The following FSTL1 variants were observed in gnomAD, a reference collection of about 807,000 sequenced individuals.
FSTL1 encodes the protein follistatin-related protein 1.
In FSTL1, 24 loss-of-function variants were observed where a neutral mutation model predicts 45.9. The observed-to-expected ratio is 0.52, with a 90% CI of 0.38 to 0.74. The LOEUF (loss-of-function observed/expected upper bound fraction) is 0.74, where lower values mean the gene tolerates loss of function less well. Among genes scored for constraint, FSTL1 ranks in the 30% least tolerant of loss-of-function variants. FSTL1 has a pLI of 0.00. For synonymous variants in FSTL1, 120 were observed against 137.6 expected (o/e 0.87, Z 0.89); for missense variants, 340 against 381.8 (o/e 0.89, Z 0.91).
intron 3 of FSTL1, among the ~76,000 whole-genome samples, chr3:120,412,295 A>T (rs1363210611): frequency 6.6e-6 from 1 of 152,226 alleles, no homozygotes; most frequent in Non-Finnish European, 1.5e-5. Context: ...CTTAATCCAC[A>T]ATGCAAAAGT....
chr3:120,415,511 CCATTATGT>C (rs2107657769), intron 3 of FSTL1, among the ~76,000 whole-genome samples: 1 of 152,110 alleles, frequency 6.6e-6, no homozygotes, highest in African/African-American at 2.4e-5. Flanking sequence ...ATAGGGGGAA[CCATTATGT>C]CTACAGTAGC....
At chr3:120,411,789 A>T in intron 4 of FSTL1, 65 bp downstream of exon 4, 1 of 1,469,418 alleles carries the variant, frequency 6.8e-7, no homozygotes, top group East Asian at 2.3e-5. Context: ...CAGCCAGGCC[A>T]CACTGCTCTG....
chr3:120,450,603 CA>C (rs1937871421), intron 2 of FSTL1, 80 bp downstream of exon 2: 1 of 920,150 alleles, frequency 1.1e-6, no homozygotes, highest in African/African-American at 1.8e-5. Flanking sequence ...AGAGCATCCC[CA>C]GGACGCGCGC....
intron 2 of FSTL1, among the ~76,000 whole-genome samples, chr3:120,436,193 T>A (rs752610696): frequency 1.3e-5 from 2 of 152,214 alleles, no homozygotes; most frequent in Non-Finnish European, 2.9e-5. Flanking sequence ...TCCAATTGTA[T>A]CTGTAAGAGG....
chr3:120,395,016 TG>T lies in FSTL1; in HGVS notation c.*1935del, dbSNP rs987226159. 6.6e-6 allele frequency: 1 copy of T among 152,628 alleles called. No homozygotes were observed. The highest frequency in any genetic ancestry group is 1.5e-5 in the Non-Finnish European group (1 of 68,402). 9.5% of individuals were successfully genotyped at this position (152,628 alleles called of 1,614,324 possible). On this transcript the variant is annotated 3_prime_UTR_variant, in exon 11 of 11. Transcript: ENST00000295633. ...AACCTTTGATTAAGGCGTGCTGCTGTGAGTTCTCCAAGGCACTTGGACAGGG... is the reference window on the plus strand; with the variant it reads ...AACCTTTGATTAAGGCGTGCTGCTGTAGTTCTCCAAGGCACTTGGACAGGG...
intron 3 of FSTL1, among the ~76,000 whole-genome samples, chr3:120,415,516 A>T (rs1275390233): frequency 6.6e-6 from 1 of 152,196 alleles, no homozygotes; most frequent in Non-Finnish European, 1.5e-5. Context: ...GGGAACCATT[A>T]TGTCTACAGT....
intron 2 of FSTL1, chr3:120,419,543 C>G (rs551793509): frequency 1.3e-5 from 2 of 152,252 alleles, no homozygotes; most frequent in South Asian, 4.2e-4. Flanking sequence ...TGGGTTCAAC[C>G]CTTCTCGTGG....
intron 2 of FSTL1, among the ~76,000 whole-genome samples, chr3:120,424,371 C>T (rs1320981581): frequency 6.6e-6 from 1 of 152,140 alleles, no homozygotes; most frequent in Non-Finnish European, 1.5e-5. Flanking sequence ...AGTGTCTAAC[C>T]TAGTTGAGCT....
chr3:120,450,943 A>G lies in FSTL1; in HGVS notation c.-47T>C. On this transcript the variant is annotated 5_prime_UTR_variant, in exon 1 of 11. Transcript: ENST00000295633. ...TGGGGGCGCGGGGCAGGACGGCGGC[A>G]GCGAGCTGTAAGCGGAGGTGGGAGC... is the stretch of plus-strand genomic sequence containing the variant. 2.1e-6 allele frequency: 1 copy of G among 476,024 alleles called. No homozygotes were observed. Among genetic ancestry groups the G allele is most frequent in the Non-Finnish European group, 3.7e-6 (1 of 270,236 alleles). The allele number at this position is 476,024 out of a possible 1,614,324, so 29.5% of individuals were successfully genotyped here.
chr3:120,394,719 G>A lies in FSTL1; in HGVS notation c.*2233C>T, dbSNP rs1936662108. On this transcript the variant is annotated 3_prime_UTR_variant, in exon 11 of 11. Coordinates refer to ENST00000295633, the MANE Select transcript of FSTL1 (RefSeq NM_007085.5). ...TGTTTGCTCCATGCAAAACTTTATG[G>A]AAGACTCCCCAGACTAGGCTATTTA... The A allele has an allele frequency of 6.6e-6, 1 of 152,210 alleles. No homozygotes were observed. The highest frequency in any genetic ancestry group is 1.5e-5 in the Non-Finnish European group (1 of 68,048). 9.4% of individuals were successfully genotyped at this position (152,210 alleles called of 1,614,324 possible).
rs142099894 is a variant in FSTL1, at chr3:120,403,451, C to G, written c.582-97G>C. 3,193 of 706,106 alleles carry G rather than the reference C, an allele frequency of 4.5e-3. 19 individuals are homozygous for G. The highest frequency in any genetic ancestry group is 8.4e-3 in the Admixed American group (344 of 40,952). The allele number at this position is 706,106 out of a possible 1,614,324, so 43.7% of individuals were successfully genotyped here. A position where few individuals can be genotyped will look rare whatever the true frequency, so the allele number is the denominator to read the frequency against. On this transcript the variant is annotated intron_variant, in intron 7 of 10. Coordinates refer to ENST00000295633, the MANE Select transcript of FSTL1 (RefSeq NM_007085.5). ...GGACCACATACACCCAGGGCCTCCA[C>G]AGGAGGCCAAGAAGATGACTGCTAA...
intron 2 of FSTL1, among the ~76,000 whole-genome samples, chr3:120,432,920 T>G (rs9875281): frequency 0.075 from 11,442 of 152,226 alleles, 1,387 homozygotes; most frequent in African/African-American, 0.26. Flanking sequence ...GATCTTAATG[T>G]GCAAATCCAG....
At chr3:120,449,730 C>G (rs1937840080) in intron 2 of FSTL1, among the ~76,000 whole-genome samples, 1 of 152,148 alleles carries the variant, frequency 6.6e-6, no homozygotes, top group African/African-American at 2.4e-5. Context: ...TGTGGTTAAA[C>G]TGTAATATGA....
At chr3:120,416,956 G>A (rs1326869389) in intron 2 of FSTL1, among the ~76,000 whole-genome samples, 1 of 152,152 alleles carries the variant, frequency 6.6e-6, no homozygotes, top group African/African-American at 2.4e-5. Flanking sequence ...CAGAAAGCCA[G>A]CCCCACCTCA....
In FSTL1 at chr3:120,412,830, G is replaced by GCA. The variant is rs1483616174; in HGVS notation, c.169-848_169-847insTG. 9.8e-5 allele frequency among the ~76,000 whole-genome samples: 8 copies of GCA among 81,972 alleles called. No individual in the cohort carries two copies. In the East Asian group the frequency reaches 1.3e-3, roughly 13 times the overall value. 53.8% of individuals were successfully genotyped at this position (81,972 alleles called of 152,430 possible). On this transcript the variant is annotated intron_variant, in intron 3 of 10. Coordinates refer to ENST00000295633, the MANE Select transcript of FSTL1 (RefSeq NM_007085.5). Reference sequence around the variant, plus strand: ...AACACACACACATGTGCGCGCGCGCGCGCGCGCGCACACACACACACACAC... The same window carrying GCA: ...AACACACACACATGTGCGCGCGCGCGCACGCGCGCGCACACACACACACACAC...
chr3:120,395,452 C>T lies in FSTL1; in HGVS notation c.*1500G>A. 2.8e-6 allele frequency: 1 copy of T among 354,486 alleles called. No individual in the cohort carries two copies. The highest frequency in any genetic ancestry group is 5.4e-6 in the Non-Finnish European group (1 of 183,730). 22.0% of individuals were successfully genotyped at this position (354,486 alleles called of 1,614,324 possible). ...TGTTGAATCTGAAACTTTCTTTTAT[C>T]CTCATCTCTAAGGGAATGCTTTCTA... On this transcript the variant is annotated 3_prime_UTR_variant, in exon 11 of 11. Transcript: ENST00000295633.
At chr3:120,442,959 G>A in intron 2 of FSTL1, among the ~76,000 whole-genome samples, 1 of 106,178 alleles carries the variant, frequency 9.4e-6, no homozygotes, top group Non-Finnish European at 1.8e-5. Context: ...GGGGGGAGGG[G>A]GGAGGGATAG....
At position 120,396,207 on chromosome 3, in the gene FSTL1, C is replaced by T. The variant is rs1936695539; in HGVS notation, c.*745G>A. The T allele has an allele frequency of 1.3e-5, 2 of 149,864 alleles. No individual in the cohort carries two copies. The highest frequency in any genetic ancestry group is 2.2e-4 in the South Asian group (1 of 4,574). The allele number at this position is 149,864 out of a possible 1,614,324, so 9.3% of individuals were successfully genotyped here. ...AAAAATAATTACAAAAGCTTAATACCTAGTCAAGAAAATAAAATATTAAAA... is the reference window on the plus strand; with the variant it reads ...AAAAATAATTACAAAAGCTTAATACTTAGTCAAGAAAATAAAATATTAAAA... On this transcript the variant is annotated 3_prime_UTR_variant, in exon 11 of 11. Transcript: ENST00000295633.
At position 120,403,349 on chromosome 3, in the gene FSTL1, A is replaced by G. The variant is rs1936865596; in HGVS notation, c.587T>C (p.Leu196Pro). ...CAGTTCAATGAGAGCATCAACACAG[A>G]GTCCCCTGAAACAAAACACAGGAGA... ...DQENNKLLRGLCVDALIELSD... is the reference protein window; with the variant it reads ...DQENNKLLRGPCVDALIELSD... The change falls in exon 8 of 11, where the codon CTC becomes CCC. Residue 196 changes from leucine to proline, a missense_variant. Coordinates refer to ENST00000295633, the MANE Select transcript of FSTL1 (RefSeq NM_007085.5). 4 of 1,582,130 alleles carry G rather than the reference A, an allele frequency of 2.5e-6. No individual in the cohort carries two copies. Among genetic ancestry groups the G allele is most frequent in the Non-Finnish European group, 3.5e-6 (4 of 1,150,882 alleles).
Sources: allele counts gnomAD v4.1 joint callset (sites outside exome capture counted in the v4.1 genomes callset), GRCh38; gene constraint gnomAD v4.1.1; transcripts MANE v1.5; gene names NCBI Gene and HGNC (gene_info 2026-07-23, HGNC 2026-07-21).